Variants in ORC1 observed in about 807,000 individuals in gnomAD.
The protein encoded by ORC1 is origin recognition complex subunit 1.
ORC1 carries 61 observed loss-of-function variants against 98.9 expected under a neutral mutation model. The observed-to-expected ratio is 0.62, with a 90% confidence interval of 0.50 to 0.76. The LOEUF (loss-of-function observed/expected upper bound fraction) is 0.76. ORC1 is among the 30% of genes least tolerant of loss of function. ORC1 has a pLI of 0.00. For missense variants in ORC1, 979 were observed against 1,072.2 expected, an observed-to-expected ratio of 0.91 and a Z score of 1.21; for synonymous variants, 385 against 406.9, an observed-to-expected ratio of 0.95 and a Z score of 0.65.
upstream of ORC1, among the ~76,000 whole-genome samples, chr1:52,407,218 C>T (rs1014429568): frequency 3.3e-5 from 5 of 152,168 alleles, no homozygotes; most frequent in African/African-American, 9.7e-5. Flanking sequence ...GGCATTTCAC[C>T]GCGTTAGCCA....
chr1:52,379,896 G>C (rs911884648), intron 14 of ORC1, among the ~76,000 whole-genome samples: 1 of 151,964 alleles, frequency 6.6e-6, no homozygotes, highest in East Asian at 1.9e-4. Context: ...TTGCACCATC[G>C]CACTCCAGCC....
chr1:52,383,296 G>A lies in ORC1; in HGVS notation c.2013+124C>T, dbSNP rs190126320. 2,290 of 1,098,666 alleles carry A rather than the reference G, an allele frequency of 2.1e-3. 8 individuals are homozygous for A. Among genetic ancestry groups the A allele is most frequent in the Non-Finnish European group, 2.7e-3 (1,942 of 723,722 alleles). The allele number at this position is 1,098,666 out of a possible 1,614,324, so 68.1% of individuals were successfully genotyped here. On this transcript the variant is annotated intron_variant, in intron 13 of 16. Transcript: ENST00000371568. ...ACTCCTGACCTCAAGTGATCCGCCC[G>A]CCTTGGCCTCCCAAAGTGCGGGGTT...
rs752565323 is a variant in ORC1 at position 52,373,344 on chromosome 1, A to G, written c.2423T>C (p.Met808Thr). The G allele has an allele frequency of 2.7e-5, 43 of 1,614,152 alleles. No homozygotes were observed. Among genetic ancestry groups the G allele is most frequent in the Non-Finnish European group, 3.6e-5 (42 of 1,180,012 alleles). The change falls in exon 17 of 17, where the codon ATG becomes ACG. Residue 808 changes from methionine to threonine, a missense_variant. Physicochemically the swap from Met to Thr is moderately conservative, Grantham distance 81. Transcript: ENST00000371568. The stretch of plus-strand genomic sequence containing the variant: ...CATGGTGGGGTACGGCAGTCCCTCC[A>G]TTCTGCACAGTGCCACATGTTGACT... ...IYSQHVALCR[M>T]EGLPYPTMSE...
chr1:52,402,109 C>G lies in ORC1; in HGVS notation c.95+20G>C. 1 of 1,583,108 alleles carries G rather than the reference C, an allele frequency of 6.3e-7. No individual in the cohort carries two copies. The highest frequency in any genetic ancestry group is 8.7e-7 in the Non-Finnish European group (1 of 1,151,858). On this transcript the variant is annotated intron_variant, in intron 2 of 16. Coordinates refer to ENST00000371568, the MANE Select transcript of ORC1 (RefSeq NM_004153.4). ...TGAGAAGCTGTATTTCCAGGACAAC[C>G]AAAGGACCCCATCACTCACCTATAG...
chr1:52,383,976 GT>G (rs773008191), intron 11 of ORC1, 39 bp from the exon 12 acceptor site: 5 of 1,527,414 alleles, frequency 3.3e-6, no homozygotes, highest in Non-Finnish European at 4.5e-6. Context: ...AACTGTAAGG[GT>G]CTTACTCCCT....
chr1:52,378,919 G>C (rs1306316942), intron 14 of ORC1, among the ~76,000 whole-genome samples: 1 of 151,544 alleles, frequency 6.6e-6, no homozygotes, highest in East Asian at 2.0e-4. Flanking sequence ...TGTAGTCCCA[G>C]CTACTCGGGA....
chr1:52,383,036 T>C (rs773974149), intron 13 of ORC1, among the ~76,000 whole-genome samples: 8 of 152,214 alleles, frequency 5.3e-5, no homozygotes, highest in Admixed American at 2.6e-4. Context: ...ATCACATTTC[T>C]TAACATCCCA....
upstream of ORC1, chr1:52,408,533 G>C: frequency 6.2e-7 from 1 of 1,613,526 alleles, no homozygotes; most frequent in Non-Finnish European, 8.5e-7. Context: ...GGAACTTCTA[G>C]GATGGCCTGT....
intron 9 of ORC1, 44 bp from the exon 10 acceptor site, chr1:52,385,306 A>G (rs1275963368): frequency 1.6e-6 from 2 of 1,221,552 alleles, no homozygotes; most frequent in East Asian, 4.6e-5. Context: ...CTTTAGGAAC[A>G]TTCCCCAACC....
rs1222973227 is a variant in ORC1 at position 52,373,332 on chromosome 1, G to A, written c.2435C>T (p.Pro812Leu). The A allele has an allele frequency of 4.8e-5, 77 of 1,614,000 alleles. No homozygotes were observed. Among genetic ancestry groups the A allele is most frequent in the East Asian group, 6.7e-5 (3 of 44,898 alleles). The change falls in exon 17 of 17, where the codon CCG becomes CTG. Residue 812 changes from proline to leucine, a missense_variant. Physicochemically the swap from Pro to Leu is moderately conservative, Grantham distance 98. Transcript: ENST00000371568. The stretch of plus-strand genomic sequence containing the variant: ...CATGGTCTCTGACATGGTGGGGTAC[G>A]GCAGTCCCTCCATTCTGCACAGTGC... ...HVALCRMEGL[P>L]YPTMSETMAV... is the part of the protein sequence containing the mutation.
chr1:52,406,234 TCCC>T (rs879452995), upstream of ORC1, among the ~76,000 whole-genome samples: 2 of 150,188 alleles, frequency 1.3e-5, no homozygotes, highest in Non-Finnish European at 3.0e-5. Context: ...GGTAATCCCC[TCCC>T]CCCCCGGGCC....
chr1:52,396,153 G>C lies in ORC1; in HGVS notation c.614C>G (p.Ala205Gly), dbSNP rs754111072. Reference protein sequence around the residue: ...KSAESPSWTPAEHVAKRIESR... With the variant: ...KSAESPSWTPGEHVAKRIESR... ...TTCAATCCTTTTGGCCACATGTTCT[G>C]CTGGGGTCCAAGAAGGGCTCTCTGC... Residue 205 changes from alanine to glycine, a missense_variant, in exon 5 of 17, where the codon GCA becomes GGA. By Grantham distance (60) the Ala-to-Gly change is moderately conservative. Coordinates refer to ENST00000371568, the MANE Select transcript of ORC1 (RefSeq NM_004153.4). The C allele has an allele frequency of 9.3e-6, 15 of 1,614,024 alleles. No individual in the cohort carries two copies. Among genetic ancestry groups the C allele is most frequent in the Admixed American group, 1.7e-5 (1 of 59,998 alleles).
intron 8 of ORC1, among the ~76,000 whole-genome samples, chr1:52,386,700 G>A (rs1315929327): frequency 2.6e-5 from 4 of 152,174 alleles, no homozygotes; most frequent in South Asian, 4.1e-4. Flanking sequence ...GGTGACTCAC[G>A]CCTGTAATCC....
chr1:52,388,840 T>C (rs1233958405), intron 7 of ORC1, among the ~76,000 whole-genome samples: 7 of 152,118 alleles, frequency 4.6e-5, no homozygotes, highest in African/African-American at 1.7e-4. Flanking sequence ...ATGTATATTA[T>C]TATATTTTGT....
At chr1:52,374,930 C>T (rs1324889439) in intron 15 of ORC1, 33 bp from the exon 16 acceptor site, 1 of 1,400,326 alleles carries the variant, frequency 7.1e-7, no homozygotes, top group Admixed American at 1.7e-5. Context: ...GAGTTTTTGT[C>T]AGTGGCTGTA....
chr1:52,385,359 T>C (rs1569925255), intron 9 of ORC1, 97 bp from the exon 10 acceptor site: 2 of 878,890 alleles, frequency 2.3e-6, no homozygotes, highest in East Asian at 4.8e-5. Flanking sequence ...GTTTCTTGTC[T>C]ATGTTTCTAC....
intron 16 of ORC1, among the ~76,000 whole-genome samples, chr1:52,373,655 C>G (rs1569897295): frequency 6.6e-6 from 1 of 152,130 alleles, no homozygotes; most frequent in Non-Finnish European, 1.5e-5. Flanking sequence ...TCAATTTTAT[C>G]TATAAAATAC....
At chr1:52,395,954 T>C in intron 5 of ORC1, 92 bp downstream of exon 5, 1 of 1,567,542 alleles carries the variant, frequency 6.4e-7, no homozygotes, top group Non-Finnish European at 8.7e-7. Flanking sequence ...TGCACTGTGA[T>C]CACTAACTCA....
rs570866824 is a variant in ORC1, at chr1:52,404,380, G to A, written c.-140C>T. On this transcript the variant is annotated 5_prime_UTR_variant, in exon 1 of 17. Coordinates refer to ENST00000371568, the MANE Select transcript of ORC1 (RefSeq NM_004153.4). Reference sequence around the variant, plus strand: ...TCTACAACTACGGGCCGAAAGCCAGGACCAAAGCGTGTGTCTCACTAGAAA... The same window carrying A: ...TCTACAACTACGGGCCGAAAGCCAGAACCAAAGCGTGTGTCTCACTAGAAA... 4 of 177,634 alleles carry A rather than the reference G, an allele frequency of 2.3e-5. No individual in the cohort carries two copies. The highest frequency in any genetic ancestry group is 4.8e-5 in the African/African-American group (2 of 42,032). The allele number at this position is 177,634 out of a possible 1,614,324, so 11.0% of individuals were successfully genotyped here. A position where few individuals can be genotyped will look rare whatever the true frequency, so the allele number is the denominator to read the frequency against.
Sources: allele counts gnomAD v4.1 joint callset (sites outside exome capture counted in the v4.1 genomes callset), GRCh38; gene constraint gnomAD v4.1.1; transcripts MANE v1.5; gene names NCBI Gene and HGNC (gene_info 2026-07-23, HGNC 2026-07-21).